The following PPP2R2B variants were observed in gnomAD, a reference collection of about 807,000 sequenced individuals.
The protein encoded by PPP2R2B is serine/threonine-protein phosphatase 2A 55 kDa regulatory subunit B beta isoform.
Under a neutral mutation model 46.0 loss-of-function variants are expected in PPP2R2B, and 5 were observed. The ratio of observed to expected loss-of-function variants is 0.11; its 90% CI spans 0.06 to 0.23. The LOEUF is 0.23. Among genes scored for constraint, PPP2R2B ranks in the 10% least tolerant of loss-of-function variants. The pLI is 1.00. For missense variants in PPP2R2B, 367 were observed against 575.0 expected, an observed-to-expected ratio of 0.64 and a Z score of 3.70; for synonymous variants, 215 against 206.7, an observed-to-expected ratio of 1.04 and a Z score of -0.34.
chr5:146,974,644 C>A (rs1752813406), intron 1 of PPP2R2B, among the ~76,000 whole-genome samples: 1 of 151,854 alleles, frequency 6.6e-6, no homozygotes, highest in Non-Finnish European at 1.5e-5. Flanking sequence ...TAAATTTTGA[C>A]CACTTAAAGT....
upstream of PPP2R2B, among the ~76,000 whole-genome samples, chr5:147,060,796 T>C (rs1035614182): frequency 1.3e-5 from 2 of 152,316 alleles, no homozygotes; most frequent in Admixed American, 1.3e-4. Flanking sequence ...ATAATTGCTG[T>C]TTAGTATCTG....
chr5:147,030,323 G>A (rs970543515), intron 1 of PPP2R2B, among the ~76,000 whole-genome samples: 2 of 152,022 alleles, frequency 1.3e-5, no homozygotes, highest in African/African-American at 4.8e-5. Flanking sequence ...CATTTTACAT[G>A]TTAATTAGGT....
chr5:146,898,062 G>T (rs536696567), intron 1 of PPP2R2B, among the ~76,000 whole-genome samples: 2 of 152,322 alleles, frequency 1.3e-5, no homozygotes, highest in Admixed American at 1.3e-4. Context: ...GCAGGAGCCT[G>T]TAATCCCAGA....
chr5:146,865,967 C>A (rs78841787), intron 2 of PPP2R2B, among the ~76,000 whole-genome samples: 1 of 152,152 alleles, frequency 6.6e-6, no homozygotes, highest in African/African-American at 2.4e-5. Context: ...CTGTTTGGAC[C>A]TCTATTAGGT....
At chr5:146,619,476 C>CAAACA (rs1466444603) in intron 7 of PPP2R2B, among the ~76,000 whole-genome samples, 4 of 152,056 alleles carry the variant, frequency 2.6e-5, no homozygotes, top group African/African-American at 7.2e-5. Flanking sequence ...AAAATACAAA[C>CAAACA]AAACAAAACA....
chr5:146,810,493 T>G (rs1425582516), intron 2 of PPP2R2B, among the ~76,000 whole-genome samples: 1 of 152,114 alleles, frequency 6.6e-6, no homozygotes, highest in Admixed American at 6.5e-5. Flanking sequence ...CAATTCAAGA[T>G]GAGATTTGGG....
chr5:146,692,856 A>G (rs1046013607), intron 4 of PPP2R2B, among the ~76,000 whole-genome samples: 3 of 152,122 alleles, frequency 2.0e-5, no homozygotes, highest in Admixed American at 6.5e-5. Context: ...TTAAGGAGAC[A>G]AGATCAGGCA....
At chr5:146,763,213 A>G (rs1468745063) in intron 2 of PPP2R2B, among the ~76,000 whole-genome samples, 1 of 152,234 alleles carries the variant, frequency 6.6e-6, no homozygotes, top group Non-Finnish European at 1.5e-5. Flanking sequence ...CTCAGGGTCT[A>G]GTAAGCAAAC....
chr5:146,982,533 A>C (rs2400232), intron 1 of PPP2R2B, among the ~76,000 whole-genome samples: 100,764 of 152,028 alleles, frequency 0.66, 36,117 homozygotes, highest in Non-Finnish European at 0.79. Context: ...GGGTTCTATA[A>C]ATGTCAATTA....
intron 2 of PPP2R2B, among the ~76,000 whole-genome samples, chr5:146,765,710 G>C (rs1168130146): frequency 6.6e-6 from 1 of 152,176 alleles, no homozygotes; most frequent in African/African-American, 2.4e-5. Flanking sequence ...TTTCTCATCA[G>C]ATTTGTAGAG....
chr5:146,625,318 G>C (rs911260770), intron 7 of PPP2R2B, among the ~76,000 whole-genome samples: 2 of 151,848 alleles, frequency 1.3e-5, no homozygotes, highest in South Asian at 2.1e-4. Context: ...TTATTATACT[G>C]TGTGTGTGTG....
chr5:147,040,953 T>C lies in PPP2R2B; in HGVS notation c.79+14712A>G, dbSNP rs17105835. 3,062 of 361,080 alleles carry C rather than the reference T, an allele frequency of 8.5e-3. 98 individuals are homozygous for C. Among genetic ancestry groups the C allele is most frequent in the African/African-American group, 0.06 (2,824 of 46,896 alleles). The allele number at this position is 361,080 out of a possible 1,614,324, so 22.4% of individuals were successfully genotyped here. A position where few individuals can be genotyped will look rare whatever the true frequency, so the allele number is the denominator to read the frequency against. ...GAAAGGTAGTCGATTCTTTATAGTG[T>C]ATCCTTGAGGTGTTTTCCCCTCTTC... is the stretch of plus-strand genomic sequence containing the variant. On this transcript the variant is annotated intron_variant, in intron 1 of 8. Coordinates refer to the PPP2R2B transcript ENST00000336640.
intron 1 of PPP2R2B, among the ~76,000 whole-genome samples, chr5:146,932,353 A>G (rs1244558371): frequency 2.0e-5 from 3 of 152,190 alleles, no homozygotes; most frequent in Non-Finnish European, 4.4e-5. Context: ...GGTAGTTCCC[A>G]TAATCCCCAC....
intron 5 of PPP2R2B, among the ~76,000 whole-genome samples, chr5:146,681,855 T>C (rs1052319963): frequency 6.6e-6 from 1 of 152,338 alleles, no homozygotes; most frequent in Admixed American, 6.5e-5. Context: ...TCAGGCTTTA[T>C]GGCCAGGGAA....
intron 1 of PPP2R2B, among the ~76,000 whole-genome samples, chr5:147,003,761 G>A (rs1010455439): frequency 7.9e-5 from 12 of 152,056 alleles, no homozygotes; most frequent in Admixed American, 3.3e-4. Flanking sequence ...GGAGAATTAG[G>A]AAAAAGCCCA....
At position 146,691,283 on chromosome 5, in the gene PPP2R2B, C is replaced by T. The variant is rs1455597156; in HGVS notation, c.335-43G>A. The T allele has an allele frequency of 5.7e-6, 9 of 1,566,044 alleles. No individual in the cohort carries two copies. The African/African-American group carries it at 9.4e-5, about 16-fold the overall frequency. On this transcript the variant is annotated intron_variant, in intron 4 of 9. Transcript: ENST00000394411. ...ATTAAGTCAGAATTATAGTGAAAAG[C>T]AAGCTCATAAGGGAGTTTTCCTGGG...
At chr5:146,818,763 G>T (rs1017662758) in intron 2 of PPP2R2B, among the ~76,000 whole-genome samples, 16 of 152,214 alleles carry the variant, frequency 1.1e-4, no homozygotes, top group Non-Finnish European at 2.4e-4. Context: ...CAGGTTAATA[G>T]AAAGGATGCT....
intron 2 of PPP2R2B, among the ~76,000 whole-genome samples, chr5:146,768,022 C>G (rs1754597977): frequency 6.6e-6 from 1 of 151,876 alleles, no homozygotes; most frequent in Non-Finnish European, 1.5e-5. Flanking sequence ...TAGAGATTCA[C>G]AATAAGCATT....
chr5:146,686,538 T>G (rs996877035), intron 5 of PPP2R2B, among the ~76,000 whole-genome samples: 4 of 152,170 alleles, frequency 2.6e-5, no homozygotes, highest in Non-Finnish European at 4.4e-5. Context: ...TGGCACATAG[T>G]AAGCACTCAA....
Sources: gnomAD v4.1 joint callset for allele counts (sites outside exome capture counted in the v4.1 genomes callset) on GRCh38, gnomAD v4.1.1 for gene constraint, MANE v1.5 for transcripts, NCBI Gene and HGNC (gene_info 2026-07-23, HGNC 2026-07-21) for gene names.